C10orf90: variants seen among roughly 807,000 people sequenced by gnomAD.
The protein encoded by C10orf90 is (E2-independent) E3 ubiquitin-conjugating enzyme FATS.
Under a neutral mutation model 62.5 loss-of-function variants are expected in C10orf90, and 56 were observed. That is an observed-to-expected ratio of 0.90 (90% confidence interval 0.72 to 1.12). The LOEUF (loss-of-function observed/expected upper bound fraction) is 1.12. C10orf90 is among the 50% of genes most tolerant of loss of function. The probability of loss-of-function intolerance (pLI) is 0.00; values close to 1 mark genes in which losing one functional copy is unlikely to be tolerated. For missense variants in C10orf90, 970 were observed against 880.4 expected, an observed-to-expected ratio of 1.10 and a Z score of -1.29; for synonymous variants, 386 against 340.4, an observed-to-expected ratio of 1.13 and a Z score of -1.47.
At chr10:126,660,359 CAG>C (rs370636982) in intron 1 of C10orf90, among the ~76,000 whole-genome samples, 149 of 152,318 alleles carry the variant, frequency 9.8e-4, no homozygotes, top group African/African-American at 3.5e-3. Context: ...TTATAGAAGT[CAG>C]AGAGATTCAA....
intron 4 of C10orf90, among the ~76,000 whole-genome samples, chr10:126,490,007 T>C (rs1350533280): frequency 3.7e-5 from 3 of 81,960 alleles, no homozygotes; most frequent in Non-Finnish European, 6.6e-5. Context: ...TTATATATTA[T>C]ATATATTATA....
At chr10:126,502,749 T>C in intron 4 of C10orf90, 1 of 504,964 alleles carries the variant, frequency 2.0e-6, no homozygotes, top group South Asian at 1.5e-5. Flanking sequence ...ACGAAGTGCT[T>C]AGCTTGAGCA....
In C10orf90 at chr10:126,666,836, C is replaced by T. The variant is rs191085647; in HGVS notation, c.240+3405G>A. On this transcript the variant is annotated intron_variant, in intron 1 of 9. Coordinates refer to ENST00000488181, the MANE Select transcript of C10orf90 (RefSeq NM_001350921.2). ...TACTAAAAGTACAAAAAAAATTAGCCGGGCATGGTGGCGGGTGCTTGTAAT... is the reference window on the plus strand; with the variant it reads ...TACTAAAAGTACAAAAAAAATTAGCTGGGCATGGTGGCGGGTGCTTGTAAT... Among the ~76,000 whole-genome samples, 209 of 151,630 alleles carry T rather than the reference C, an allele frequency of 1.4e-3. 1 individual carries two copies. The highest frequency in any genetic ancestry group is 4.6e-3 in the African/African-American group (189 of 41,414).
intron 2 of C10orf90, among the ~76,000 whole-genome samples, chr10:126,532,055 G>T (rs1200650092): frequency 1.3e-5 from 2 of 152,186 alleles, no homozygotes; most frequent in African/African-American, 4.8e-5. Context: ...AACTTAGGCA[G>T]TTGCCCCCCA....
At chr10:126,538,015 A>G (rs971600340) in intron 2 of C10orf90, among the ~76,000 whole-genome samples, 15 of 152,326 alleles carry the variant, frequency 9.8e-5, no homozygotes, top group African/African-American at 3.4e-4. Flanking sequence ...GATTGGGGTG[A>G]TTGTATTAGT....
At chr10:126,431,733 T>G (rs574583162) in intron 7 of C10orf90, among the ~76,000 whole-genome samples, 1 of 152,334 alleles carries the variant, frequency 6.6e-6, no homozygotes, top group African/African-American at 2.4e-5. Context: ...TTTGTAAGAT[T>G]TTGATCATCT....
chr10:126,486,930 G>A (rs1464994681), intron 4 of C10orf90, among the ~76,000 whole-genome samples: 11 of 151,882 alleles, frequency 7.2e-5, no homozygotes, highest in Admixed American at 6.6e-4. Context: ...ATCACCTGAG[G>A]TCAAGAGTTC....
intron 2 of C10orf90, among the ~76,000 whole-genome samples, chr10:126,573,623 C>T (rs190677796): frequency 1.3e-5 from 2 of 152,280 alleles, no homozygotes; most frequent in Non-Finnish European, 2.9e-5. Context: ...AGCCCCCACA[C>T]TTCTGTACTT....
chr10:126,630,272 C>A (rs1845826727), intron 2 of C10orf90, among the ~76,000 whole-genome samples: 1 of 152,214 alleles, frequency 6.6e-6, no homozygotes, highest in Non-Finnish European at 1.5e-5. Context: ...CAAATCCTGT[C>A]TGGACCCCCA....
intron 2 of C10orf90, among the ~76,000 whole-genome samples, chr10:126,624,271 A>G (rs1199687968): frequency 1.3e-5 from 2 of 152,000 alleles, no homozygotes; most frequent in Non-Finnish European, 2.9e-5. Context: ...GCTGGAACCC[A>G]GGAGGTGGAG....
In C10orf90 at chr10:126,670,241, C is replaced by T. The variant is rs1338946135; in HGVS notation, c.240G>A (p.Glu80=). ...CTCACCCACCCAGGCTCAGCCATAC[C>T]TCATATCTGCTGGCTGTCTGCTCAG... ...KTAEQTASRY[E]IHSRLFSSPK... The change falls in exon 1 of 10, where the codon GAG becomes GAA. Residue 80 remains glutamate, a splice_region_variant and synonymous_variant. Coordinates refer to ENST00000488181, the MANE Select transcript of C10orf90 (RefSeq NM_001350921.2). 1 of 456,676 alleles carries T rather than the reference C, an allele frequency of 2.2e-6. No individual in the cohort carries two copies. Among genetic ancestry groups the T allele is most frequent in the Non-Finnish European group, 4.4e-6 (1 of 226,946 alleles). The allele number at this position is 456,676 out of a possible 1,614,324, so 28.3% of individuals were successfully genotyped here. A position where few individuals can be genotyped will look rare whatever the true frequency, so the allele number is the denominator to read the frequency against.
chr10:126,475,130 G>C lies in C10orf90; in HGVS notation c.1535-10144C>G, dbSNP rs58384066. On this transcript the variant is annotated intron_variant, in intron 4 of 9. Coordinates refer to ENST00000488181, the MANE Select transcript of C10orf90 (RefSeq NM_001350921.2). ...AAATATATCCAACATGTGGGAGCTGGCTGAGAGAGCCCTGGAGAGTCTTTG... is the reference window on the plus strand; with the variant it reads ...AAATATATCCAACATGTGGGAGCTGCCTGAGAGAGCCCTGGAGAGTCTTTG... Among the ~76,000 whole-genome samples the C allele has an allele frequency of 1.3e-3, 196 of 152,302 alleles. 1 individual carries two copies. Among genetic ancestry groups the C allele is most frequent in the African/African-American group, 4.5e-3 (186 of 41,568 alleles).
At chr10:126,496,601 A>T in intron 4 of C10orf90, 1 of 930,980 alleles carries the variant, frequency 1.1e-6, no homozygotes, top group Non-Finnish European at 1.3e-6. Flanking sequence ...GCCACCCTCC[A>T]CTTCAATTTT....
chr10:126,619,320 G>A (rs141073711), intron 2 of C10orf90, among the ~76,000 whole-genome samples: 208 of 152,268 alleles, frequency 1.4e-3, no homozygotes, highest in African/African-American at 4.9e-3. Flanking sequence ...CACGGGTGTT[G>A]AATCACTTGG....
At chr10:126,519,352 G>A (rs1002002348) in intron 2 of C10orf90, among the ~76,000 whole-genome samples, 17 of 152,164 alleles carry the variant, frequency 1.1e-4, no homozygotes, top group Admixed American at 6.5e-4. Flanking sequence ...GCCCAATACC[G>A]CTTGGCTTAT....
intron 1 of C10orf90, among the ~76,000 whole-genome samples, chr10:126,656,984 G>T (rs895431805): frequency 1.3e-5 from 2 of 152,140 alleles, no homozygotes; most frequent in African/African-American, 4.8e-5. Flanking sequence ...TCCAACAAAA[G>T]AACCTATAAC....
Position 126,664,593 on chromosome 10 carries a change from G to A in C10orf90, c.240+5648C>T, listed in dbSNP as rs372610017. ...ACCACACCACCACCTTTCATCTGCC[G>A]TCTCTTCTCTCCCTTAGTTTGGCTG... On this transcript the variant is annotated intron_variant, in intron 1 of 9. Transcript: ENST00000488181. 1.6e-4 allele frequency among the ~76,000 whole-genome samples: 24 copies of A among 152,168 alleles called. 1 individual carries two copies. Among genetic ancestry groups the A allele is most frequent in the South Asian group, 1.0e-3 (5 of 4,808 alleles).
At chr10:126,663,504 G>A (rs1286627008) in intron 1 of C10orf90, among the ~76,000 whole-genome samples, 1 of 152,186 alleles carries the variant, frequency 6.6e-6, no homozygotes, top group Non-Finnish European at 1.5e-5. Flanking sequence ...GTCTCACACA[G>A]CTGTGGTGAG....
At chr10:126,559,129 T>A (rs1179455971) in intron 2 of C10orf90, among the ~76,000 whole-genome samples, 6 of 152,228 alleles carry the variant, frequency 3.9e-5, no homozygotes, top group African/African-American at 9.6e-5. Flanking sequence ...CTTATATACC[T>A]GGCTGTGTTG....
Sources: allele counts gnomAD v4.1 joint callset (sites outside exome capture counted in the v4.1 genomes callset), GRCh38; gene constraint gnomAD v4.1.1; transcripts MANE v1.5; gene names NCBI Gene and HGNC (gene_info 2026-07-23, HGNC 2026-07-21).